Variants in ANK2 observed in about 807,000 individuals in gnomAD.
ANK2 encodes ankyrin-2.
A neutral mutation model predicts 360.5 loss-of-function variants in ANK2; 83 were observed. The ratio of observed to expected loss-of-function variants is 0.23; its 90% CI spans 0.19 to 0.28. ANK2 has a LOEUF of 0.28. Among genes scored for constraint, ANK2 ranks in the 10% least tolerant of loss-of-function variants. The pLI is 1.00. For synonymous variants in ANK2, 1,740 were observed against 1,759.5 expected (o/e 0.99, Z 0.28); for missense variants, 4,201 against 4,795.7 (o/e 0.88, Z 3.66).
chr4:113,318,306 C>T (rs1033007194), intron 25 of ANK2, among the ~76,000 whole-genome samples: 4 of 152,036 alleles, frequency 2.6e-5, no homozygotes, highest in South Asian at 2.1e-4. Flanking sequence ...GACAATTACA[C>T]GAATGTAATC....
rs372133055 is a variant in ANK2 at position 113,274,604 on chromosome 4, A to G, written c.1638A>G (p.Ala546=). 3.6e-5 allele frequency: 58 copies of G among 1,614,098 alleles called. No individual in the cohort carries two copies. In the African/African-American group the frequency reaches 6.8e-4, roughly 19 times the overall value. ...CCCGGGAGGGCCAGGTGGATGTGGC[A>G]TCAGTCCTATTGGAAGCAGGAGCAG... is the stretch of plus-strand genomic sequence containing the variant. The part of the protein sequence containing the change: ...ISAREGQVDV[A]SVLLEAGAAH... Residue 546 remains alanine, a synonymous_variant, in exon 15 of 46, where the codon GCA becomes GCG. Coordinates refer to ENST00000357077, the MANE Select transcript of ANK2 (RefSeq NM_001148.6).
At chr4:112,735,162 A>G in the ANK2 span, among the ~76,000 whole-genome samples, 4 of 152,044 alleles carry the variant, frequency 2.6e-5, no homozygotes, top group African/African-American at 9.7e-5. Flanking sequence ...AGGTGGGTGG[A>G]TCCTTTGAGC....
intron 1 of ANK2, among the ~76,000 whole-genome samples, chr4:112,854,300 T>C (rs2065784477): frequency 1.3e-5 from 2 of 152,102 alleles, no homozygotes; most frequent in Admixed American, 6.6e-5. Flanking sequence ...CGGAGGAAAA[T>C]ATGTGAGTGA....
chr4:113,165,990 T>C (rs1275915493), intron 1 of ANK2, among the ~76,000 whole-genome samples: 2 of 152,158 alleles, frequency 1.3e-5, no homozygotes, highest in African/African-American at 2.4e-5. Flanking sequence ...TCTATAAACT[T>C]ACCATGTTCC....
chr4:112,791,914 T>C, the ANK2 span, among the ~76,000 whole-genome samples: 4 of 152,168 alleles, frequency 2.6e-5, no homozygotes, highest in African/African-American at 9.7e-5. Context: ...ATATGTATAT[T>C]GGTTCTTTAA....
At chr4:113,192,921 A>ATTTTTT (rs5861126) in intron 2 of ANK2, among the ~76,000 whole-genome samples, 1 of 110,148 alleles carries the variant, frequency 9.1e-6, no homozygotes, top group Non-Finnish European at 2.1e-5. Context: ...GGATTGCATT[A>ATTTTTT]TTTAAAAAAA....
chr4:112,848,156 C>T (rs1167277456), intron 1 of ANK2, among the ~76,000 whole-genome samples: 2 of 152,046 alleles, frequency 1.3e-5, no homozygotes, highest in African/African-American at 4.8e-5. Context: ...GACAGAGTCT[C>T]ACTCTGTCAC....
At chr4:113,166,969 C>G (rs752195067) in intron 1 of ANK2, among the ~76,000 whole-genome samples, 2 of 151,926 alleles carry the variant, frequency 1.3e-5, no homozygotes, top group Non-Finnish European at 2.9e-5. Context: ...AAAAATTATC[C>G]AGAGTTTGAT....
chr4:113,063,486 A>G (rs1469598006), intron 1 of ANK2, among the ~76,000 whole-genome samples: 3 of 152,146 alleles, frequency 2.0e-5, no homozygotes, highest in Non-Finnish European at 4.4e-5. Context: ...TTTTGCCACA[A>G]TCAGAAAACA....
chr4:112,741,611 CT>C, the ANK2 span, among the ~76,000 whole-genome samples: 1 of 152,186 alleles, frequency 6.6e-6, no homozygotes, highest in African/African-American at 2.4e-5. Flanking sequence ...ATAACTAAAA[CT>C]TTTTGTTTGT....
At chr4:113,218,162 T>C (rs1486060354) in intron 4 of ANK2, among the ~76,000 whole-genome samples, 4 of 152,216 alleles carry the variant, frequency 2.6e-5, no homozygotes, top group Admixed American at 6.5e-5. Flanking sequence ...TCTAATGCTC[T>C]AACCTTTACT....
intron 4 of ANK2, among the ~76,000 whole-genome samples, chr4:113,212,896 A>G (rs934980418): frequency 2.6e-5 from 4 of 152,208 alleles, no homozygotes; most frequent in African/African-American, 9.7e-5. Context: ...AGAACATAAC[A>G]AAGTCAGTTT....
chr4:113,334,818 A>C (rs1272074237), intron 29 of ANK2, among the ~76,000 whole-genome samples: 2 of 146,038 alleles, frequency 1.4e-5, no homozygotes, highest in African/African-American at 5.0e-5. Flanking sequence ...AGATTAATTA[A>C]TCTATTACTA....
In ANK2 at chr4:112,891,202, A is replaced by G. The variant is rs1260045346; in HGVS notation, c.-39-13253A>G. On this transcript the variant is annotated intron_variant, in intron 1 of 30. Transcript: ENST00000503271. ...CGTAACTAGCAGTAGCAGATCCTGTACTTAAATCAAGATTCATGACTCCTC... is the reference window on the plus strand; with the variant it reads ...CGTAACTAGCAGTAGCAGATCCTGTGCTTAAATCAAGATTCATGACTCCTC... Among the ~76,000 whole-genome samples the G allele has an allele frequency of 2.6e-5, 4 of 152,284 alleles. No homozygotes were observed. In the East Asian group the frequency reaches 7.7e-4, roughly 29 times the overall value.
chr4:112,973,853 T>A (rs961317661), intron 2 of ANK2, among the ~76,000 whole-genome samples: 2 of 152,192 alleles, frequency 1.3e-5, no homozygotes, highest in Non-Finnish European at 2.9e-5. Context: ...CCACAGTCCA[T>A]CTGACTGGAT....
chr4:113,240,496 C>T lies in ANK2; in HGVS notation c.705C>T (p.Thr235=). 3.1e-6 allele frequency: 5 copies of T among 1,613,648 alleles called. No individual in the cohort carries two copies. Among genetic ancestry groups the T allele is most frequent in the Middle Eastern group, 1.7e-4 (1 of 6,060 alleles). The part of the protein sequence containing the change: ...MVNRTTESGF[T]PLHIAAHYGN... ...CTTTGCTTTCATAGAGTGGTTTTAC[C>T]CCTTTGCACATAGCTGCACATTACG... is the stretch of plus-strand genomic sequence containing the variant. Residue 235 remains threonine (T), a synonymous_variant, in exon 8 of 46, where the codon ACC becomes ACT. Transcript: ENST00000357077.
chr4:112,721,541 CAAAAAAAAAA>C, the ANK2 span, among the ~76,000 whole-genome samples: 6 of 46,874 alleles, frequency 1.3e-4, no homozygotes, highest in African/African-American at 2.9e-4. Flanking sequence ...GACCCCATCT[CAAAAAAAAAA>C]AAAAAAAAAA....
intron 2 of ANK2, among the ~76,000 whole-genome samples, chr4:113,036,790 G>C (rs1360625862): frequency 1.3e-5 from 2 of 151,752 alleles, no homozygotes; most frequent in African/African-American, 4.8e-5. Flanking sequence ...TTTTTTCCAA[G>C]ATGTTGGTAT....
At chr4:112,711,683 A>G in the ANK2 span, among the ~76,000 whole-genome samples, 5 of 151,334 alleles carry the variant, frequency 3.3e-5, no homozygotes, top group Admixed American at 6.6e-5. Context: ...AGCCGGGTGT[A>G]GTGGAGGGCA....
Sources: gnomAD v4.1 joint callset for allele counts (sites outside exome capture counted in the v4.1 genomes callset) on GRCh38, gnomAD v4.1.1 for gene constraint, MANE v1.5 for transcripts, NCBI Gene and HGNC (gene_info 2026-07-23, HGNC 2026-07-21) for gene names.